Variants in DNAH3 observed in about 807,000 individuals in gnomAD.
DNAH3 encodes axonemal beta dynein heavy chain 3.
In DNAH3, 332 loss-of-function variants were observed where a neutral mutation model predicts 432.5. The observed-to-expected ratio is 0.77, with a 90% CI of 0.70 to 0.84. DNAH3 has a LOEUF of 0.84. Ranked by LOEUF, DNAH3 falls within the 40% of genes least tolerant of loss-of-function variation. The pLI is 0.00. For missense variants in DNAH3, 4,861 were observed against 5,114.0 expected (o/e 0.95, Z 1.51); for synonymous variants, 1,956 against 1,900.2 (o/e 1.03, Z -0.76).
chr16:20,956,579 A>T (rs192483077), intron 54 of DNAH3, among the ~76,000 whole-genome samples: 1 of 152,244 alleles, frequency 6.6e-6, no homozygotes, highest in Non-Finnish European at 1.5e-5. Flanking sequence ...AGTAGAACTT[A>T]AAATGTCAAC....
chr16:21,073,103 G>A (rs534105326), intron 21 of DNAH3, among the ~76,000 whole-genome samples: 1 of 152,216 alleles, frequency 6.6e-6, no homozygotes, highest in South Asian at 2.1e-4. Context: ...TCTGACCCTG[G>A]GGCAGGTTTG....
intron 15 of DNAH3, among the ~76,000 whole-genome samples, chr16:21,105,629 G>A (rs1282921318): frequency 1.3e-5 from 2 of 152,078 alleles, no homozygotes; most frequent in African/African-American, 2.4e-5. Context: ...AGTTGGGCGT[G>A]GTGGCACGTG....
intron 7 of DNAH3, among the ~76,000 whole-genome samples, chr16:21,131,504 A>G (rs28562007): frequency 1.4e-4 from 20 of 139,180 alleles, no homozygotes; most frequent in Non-Finnish European, 1.4e-4. Flanking sequence ...GAGATGAGAG[A>G]GAAGGAAGGA....
At chr16:20,973,040 T>C (rs1298095195) in intron 51 of DNAH3, among the ~76,000 whole-genome samples, 1 of 152,082 alleles carries the variant, frequency 6.6e-6, no homozygotes, top group Non-Finnish European at 1.5e-5. Context: ...CCATGACCTA[T>C]TTATGATAGA....
intron 53 of DNAH3, 80 bp downstream of exon 53, chr16:20,963,204 C>G (rs2084901262): frequency 7.3e-7 from 1 of 1,375,244 alleles, no homozygotes; most frequent in Non-Finnish European, 1.0e-6. Context: ...CTTGAGATCC[C>G]TGCTGTAAGG....
At chr16:20,984,994 G>A in intron 48 of DNAH3, 55 bp downstream of exon 48, 1 of 1,465,914 alleles carries the variant, frequency 6.8e-7, no homozygotes, top group Non-Finnish European at 9.2e-7. Context: ...AGGGCACTCA[G>A]AAGACCCCAA....
chr16:20,933,547 T>C (rs1291060260), intron 61 of DNAH3, 40 bp from the exon 62 acceptor site: 7 of 1,496,162 alleles, frequency 4.7e-6, no homozygotes, highest in Admixed American at 2.1e-5. Context: ...TGCCTGCCAT[T>C]TTCCTACATG....
At chr16:21,134,123 T>G in intron 7 of DNAH3, 136 bp downstream of exon 8, 1 of 821,210 alleles carries the variant, frequency 1.2e-6, no homozygotes, top group Admixed American at 2.9e-5. Context: ...TTCACATGCA[T>G]ATTTGGCCTA....
intron 37 of DNAH3, among the ~76,000 whole-genome samples, chr16:21,029,679 CACTCT>C (rs1484045028): frequency 6.6e-6 from 1 of 152,352 alleles, no homozygotes; most frequent in Admixed American, 6.5e-5. Flanking sequence ...ACTGTGTTAT[CACTCT>C]ACTCTACTTA....
At position 21,069,604 on chromosome 16, in the gene DNAH3, T is replaced by C. The variant is rs775988956; in HGVS notation, c.3202-10A>G. 1 of 1,608,192 alleles carries C rather than the reference T, an allele frequency of 6.2e-7. No individual in the cohort carries two copies. The highest frequency in any genetic ancestry group is 1.3e-5 in the African/African-American group (1 of 74,668). On this transcript the variant is annotated splice_polypyrimidine_tract_variant and intron_variant, in intron 22 of 61. Transcript: ENST00000261383. The stretch of plus-strand genomic sequence containing the variant: ...GCTTTTCTTCCCATTTCTGTGAATT[T>C]AGCATTTCATATCTGGATCATTAAC...
chr16:21,021,795 C>T (rs746364111), intron 40 of DNAH3, among the ~76,000 whole-genome samples, 176 bp downstream of exon 40: 2 of 151,772 alleles, frequency 1.3e-5, no homozygotes, highest in African/African-American at 2.4e-5. Context: ...CCCAGCTACT[C>T]GGGAGGCTGA....
At chr16:20,997,436 C>A (rs905617041) in exon 44 of DNAH3, 2 of 1,614,012 alleles carry the variant, frequency 1.2e-6, no homozygotes, top group African/African-American at 2.7e-5. Context: ...GCCCCATACA[C>A]CTCTTTGGCT....
rs114398610 is a variant in DNAH3, at chr16:21,050,076, G to A, written c.4239-58C>T. 8.9e-4 allele frequency: 1,119 copies of A among 1,254,560 alleles called. 4 individuals carry two copies. The African/African-American group carries it at 0.015, about 17-fold the overall frequency. 77.7% of individuals were successfully genotyped at this position (1,254,560 alleles called of 1,614,324 possible). A position where few individuals can be genotyped will look rare whatever the true frequency, so the allele number is the denominator to read the frequency against. ...AGGTCTAAGACACAGGAAAGAAACC[G>A]GCTTTTCATTTATTTTGACTCATAC... On this transcript the variant is annotated intron_variant, in intron 29 of 61. Transcript: ENST00000261383.
intron 5 of DNAH3, 71 bp downstream of exon 6, chr16:21,140,465 G>A (rs763987439): frequency 1.5e-5 from 23 of 1,493,670 alleles, no homozygotes; most frequent in African/African-American, 2.8e-5. Context: ...TGTTCTCCCT[G>A]AATTTAGAAT....
intron 15 of DNAH3, among the ~76,000 whole-genome samples, chr16:21,105,890 A>G (rs1295850017): frequency 6.6e-6 from 1 of 151,976 alleles, no homozygotes; most frequent in Admixed American, 6.6e-5. Flanking sequence ...GGGATCTAAG[A>G]ACTGGAGGTC....
At chr16:21,014,068 C>A (rs2087744877) in intron 41 of DNAH3, among the ~76,000 whole-genome samples, 1 of 152,178 alleles carries the variant, frequency 6.6e-6, no homozygotes, top group Non-Finnish European at 1.5e-5. Context: ...AGAGGACACA[C>A]TTTATAACTC....
chr16:21,031,072 C>T, exon 37 of DNAH3: 1 of 1,614,100 alleles, frequency 6.2e-7, no homozygotes, highest in Non-Finnish European at 8.5e-7. Flanking sequence ...GAACAGTGTT[C>T]ATATTTTCAA....
intron 1 of DNAH3, among the ~76,000 whole-genome samples, chr16:21,153,673 C>A (rs1198662677): frequency 1.3e-5 from 2 of 152,098 alleles, no homozygotes; most frequent in South Asian, 2.1e-4. Flanking sequence ...GCCAGCGAGA[C>A]CAGAAACCCA....
At chr16:20,970,040 A>C (rs747221230) in intron 51 of DNAH3, 50 bp from the exon 52 acceptor site, 1 of 1,557,758 alleles carries the variant, frequency 6.4e-7, no homozygotes, top group Admixed American at 1.7e-5. Context: ...GCCTGGCACA[A>C]TGGGGGCGAA....
Sources: allele counts gnomAD v4.1 joint callset (sites outside exome capture counted in the v4.1 genomes callset), GRCh38; gene constraint gnomAD v4.1.1; transcripts MANE v1.5; gene names NCBI Gene and HGNC (gene_info 2026-07-23, HGNC 2026-07-21).